The following GALNT16 variants were observed in gnomAD, a reference collection of about 807,000 sequenced individuals.
GALNT16 encodes the protein polypeptide N-acetylgalactosaminyltransferase 16.
GALNT16 carries 40 observed loss-of-function variants against 76.1 expected under a neutral mutation model. That is an observed-to-expected ratio of 0.53 (90% CI 0.41 to 0.68). GALNT16 has a LOEUF of 0.68. Among genes scored for constraint, GALNT16 ranks in the 30% least tolerant of loss-of-function variants. The pLI is 0.00. For synonymous variants in GALNT16, 276 were observed against 285.2 expected (o/e 0.97, Z 0.32); for missense variants, 621 against 731.9 (o/e 0.85, Z 1.75).
At chr14:69,283,366 G>A (rs1474930738) in intron 1 of GALNT16, among the ~76,000 whole-genome samples, 1 of 152,214 alleles carries the variant, frequency 6.6e-6, no homozygotes, top group Non-Finnish European at 1.5e-5. Context: ...GAATCGGAGG[G>A]AGGCTGGCCA....
downstream of GALNT16, chr14:69,355,805 T>G (rs57675317): frequency 0.18 from 28,000 of 152,240 alleles, 2,703 homozygotes; most frequent in South Asian, 0.26. Flanking sequence ...GTGACTTGGC[T>G]TCAGTTTTTA....
intron 1 of GALNT16, among the ~76,000 whole-genome samples, chr14:69,313,369 C>T (rs929560044): frequency 5.3e-5 from 8 of 152,334 alleles, no homozygotes; most frequent in Admixed American, 3.3e-4. Flanking sequence ...GGGCAAAGGG[C>T]GGGAAATGGA....
intron 1 of GALNT16, among the ~76,000 whole-genome samples, chr14:69,296,459 C>T (rs112648308): frequency 0.24 from 36,799 of 151,942 alleles, 4,575 homozygotes; most frequent in African/African-American, 0.3. Context: ...TTTGGGAAGC[C>T]GAGGTGGGCA....
intron 1 of GALNT16, among the ~76,000 whole-genome samples, chr14:69,262,804 T>C (rs773324632): frequency 1.3e-5 from 2 of 152,216 alleles, no homozygotes; most frequent in African/African-American, 4.8e-5. Context: ...TGCAGCTGAA[T>C]GTAAGTGATG....
chr14:69,340,085 G>C (rs1391825538), intron 11 of GALNT16, among the ~76,000 whole-genome samples: 2 of 152,212 alleles, frequency 1.3e-5, no homozygotes, highest in Non-Finnish European at 2.9e-5. Context: ...AAAAGAGAGA[G>C]AGAGAAGTAG....
At chr14:69,331,635 CT>C (rs2045354502) in intron 7 of GALNT16, 84 bp downstream of exon 7, 6 of 799,964 alleles carry the variant, frequency 7.5e-6, no homozygotes, top group Non-Finnish European at 1.3e-5. Context: ...GCTTGCTGCT[CT>C]TTCCAGCTGT....
At chr14:69,279,638 G>T (rs564257605) in intron 1 of GALNT16, among the ~76,000 whole-genome samples, 10 of 152,384 alleles carry the variant, frequency 6.6e-5, no homozygotes, top group African/African-American at 2.2e-4. Context: ...AGGCTGTGGG[G>T]GCCGTGTCAG....
Position 69,292,762 on chromosome 14 carries a change from C to T in GALNT16, c.178-27949C>T, listed in dbSNP as rs535083382. Among the ~76,000 whole-genome samples, 62 of 152,364 alleles carry T rather than the reference C, an allele frequency of 4.1e-4. No homozygotes were observed. The South Asian group carries it at 0.012, about 29-fold the overall frequency. On this transcript the variant is annotated intron_variant, in intron 1 of 14. Transcript: ENST00000448469. ...GTCTAGTGATGGTGGCTTCCCCCTA[C>T]CAGTTTGATTTGCTGTACACAGTGG... is the stretch of plus-strand genomic sequence containing the variant.
chr14:69,279,220 C>A (rs2140113879), intron 1 of GALNT16, among the ~76,000 whole-genome samples: 1 of 152,302 alleles, frequency 6.6e-6, no homozygotes, highest in South Asian at 2.1e-4. Context: ...GCGTGAGCCA[C>A]CACGCCTGGC....
intron 1 of GALNT16, among the ~76,000 whole-genome samples, chr14:69,267,359 T>C (rs1594808044): frequency 6.6e-6 from 1 of 152,306 alleles, no homozygotes; most frequent in Middle Eastern, 3.4e-3. Context: ...TCATATTATA[T>C]AGGCAAGATA....
At chr14:69,351,795 C>T (rs79943105) in intron 14 of GALNT16, 1 of 444,716 alleles carries the variant, frequency 2.2e-6, no homozygotes, top group Non-Finnish European at 4.0e-6. Flanking sequence ...CAGGTGTAGT[C>T]CTAGCTACTC....
chr14:69,282,869 T>C (rs1294840120), intron 1 of GALNT16, among the ~76,000 whole-genome samples: 1 of 152,136 alleles, frequency 6.6e-6, no homozygotes, highest in African/African-American at 2.4e-5. Flanking sequence ...CTTCACCATG[T>C]TGGCCAGGCT....
rs1463533705 is a variant in GALNT16 at position 69,347,815 on chromosome 14, T to C, written c.1414-62T>C. ...CCGTGTTTTTGCTTTATCCCCTATC[T>C]ACCCATCTCTCCACCCATCGCTGTA... On this transcript the variant is annotated intron_variant, in intron 13 of 14. Coordinates refer to ENST00000448469, the MANE Select transcript of GALNT16 (RefSeq NM_001168368.2). The C allele has an allele frequency of 3.2e-6, 5 of 1,582,344 alleles. No individual in the cohort carries two copies. The Admixed American group carries it at 5.1e-5, about 16-fold the overall frequency.
chr14:69,299,182 T>C (rs572633656), intron 1 of GALNT16, among the ~76,000 whole-genome samples: 11 of 152,186 alleles, frequency 7.2e-5, no homozygotes, highest in Admixed American at 1.3e-4. Context: ...ACAGCAAAAC[T>C]CCTGGAAAGA....
chr14:69,328,701 C>A, intron 6 of GALNT16, 130 bp downstream of exon 6: 1 of 829,590 alleles, frequency 1.2e-6, no homozygotes. Flanking sequence ...CTACTTCCCC[C>A]TGAGTGACTT....
chr14:69,383,375 G>T, the GALNT16 span, among the ~76,000 whole-genome samples: 4 of 152,172 alleles, frequency 2.6e-5, no homozygotes, highest in African/African-American at 9.7e-5. Context: ...AAATTTAATA[G>T]AAACTATGAG....
At position 69,342,478 on chromosome 14, in the gene GALNT16, G is replaced by C. The variant is rs1180848129; in HGVS notation, c.1271+714G>C. Among the ~76,000 whole-genome samples the C allele has an allele frequency of 5.9e-4, 19 of 32,070 alleles. No individual in the cohort carries two copies. The South Asian group carries it at 0.018, about 30-fold the overall frequency. The allele number at this position is 32,070 out of a possible 152,430, so 21.0% of individuals were successfully genotyped here. A position where few individuals can be genotyped will look rare whatever the true frequency, so the allele number is the denominator to read the frequency against. On this transcript the variant is annotated intron_variant, in intron 12 of 14. Transcript: ENST00000448469. ...GGGAAGGTGGAAGAAGGAAGGAAGG[G>C]AGGGAGGGAGGGAGGGAGGGAGGGA...
intron 5 of GALNT16, among the ~76,000 whole-genome samples, chr14:69,326,494 AG>A (rs745366807): frequency 4.6e-5 from 7 of 152,208 alleles, no homozygotes; most frequent in Non-Finnish European, 1.0e-4. Context: ...TACATAGCCA[AG>A]GGGTCAGAAT....
intron 1 of GALNT16, among the ~76,000 whole-genome samples, chr14:69,269,380 C>CGTGTGT (rs113574682): frequency 8.7e-5 from 13 of 149,616 alleles, no homozygotes; most frequent in Non-Finnish European, 1.6e-4. Context: ...ATGGGGCGCA[C>CGTGTGT]GTGTGTGTGT....
Sources: allele counts gnomAD v4.1 joint callset (sites outside exome capture counted in the v4.1 genomes callset), GRCh38; gene constraint gnomAD v4.1.1; transcripts MANE v1.5; gene names NCBI Gene and HGNC (gene_info 2026-07-23, HGNC 2026-07-21).